The following MIPOL1 variants were observed in gnomAD, a reference collection of about 807,000 sequenced individuals.
MIPOL1 encodes the protein mirror-image polydactyly 1.
Under a neutral mutation model 60.9 loss-of-function variants are expected in MIPOL1, and 57 were observed. The observed-to-expected ratio is 0.94, with a 90% confidence interval of 0.76 to 1.17. The LOEUF (loss-of-function observed/expected upper bound fraction) is 1.17. MIPOL1 is among the 50% of genes most tolerant of loss of function. The pLI, the probability that MIPOL1 is intolerant of heterozygous loss-of-function variation, is 0.00. For synonymous variants in MIPOL1, 179 were observed against 168.8 expected (o/e 1.06, Z -0.47); for missense variants, 551 against 511.6 (o/e 1.08, Z -0.74).
intron 10 of MIPOL1, among the ~76,000 whole-genome samples, chr14:37,409,489 C>A (rs1337679665): frequency 6.6e-6 from 1 of 152,070 alleles, no homozygotes; most frequent in Non-Finnish European, 1.5e-5. Context: ...TTATACACAG[C>A]CAAAAAAATA....
intron 10 of MIPOL1, among the ~76,000 whole-genome samples, chr14:37,409,837 A>G (rs1296312770): frequency 6.6e-6 from 1 of 152,188 alleles, no homozygotes; most frequent in Non-Finnish European, 1.5e-5. Context: ...GTTGGAATAT[A>G]TCTAAAAAAT....
At chr14:37,414,430 A>G (rs2093729373) in intron 10 of MIPOL1, among the ~76,000 whole-genome samples, 1 of 152,130 alleles carries the variant, frequency 6.6e-6, no homozygotes, top group Admixed American at 6.5e-5. Context: ...GTCCCTGAAA[A>G]CTAGTGATGT....
chr14:37,500,019 A>G lies in MIPOL1; in HGVS notation c.1143A>G (p.Gln381=). 1 of 1,613,950 alleles carries G rather than the reference A, an allele frequency of 6.2e-7. No individual in the cohort carries two copies. The highest frequency in any genetic ancestry group is 8.5e-7 in the Non-Finnish European group (1 of 1,179,842). ...KNRENIVSIT[Q]QQNEELATQL... is the part of the protein sequence containing the mutation. ...GAGAGAACATTGTTTCCATCACTCAACAACAAAATGAGGAACTGGCTACTC... is the reference window on the plus strand; with the variant it reads ...GAGAGAACATTGTTTCCATCACTCAGCAACAAAATGAGGAACTGGCTACTC... The change falls in exon 12 of 13, where the codon CAA becomes CAG. Residue 381 remains glutamine, a synonymous_variant. Transcript: ENST00000684589.
intron 1 of MIPOL1, among the ~76,000 whole-genome samples, chr14:37,244,479 G>A (rs1972873380): frequency 6.6e-6 from 1 of 151,520 alleles, no homozygotes; most frequent in African/African-American, 2.4e-5. Context: ...GAGGAATGAG[G>A]CTAGGAATTT....
downstream of MIPOL1, chr14:37,552,119 A>G (rs896945015): frequency 1.3e-5 from 2 of 152,052 alleles, no homozygotes; most frequent in Non-Finnish European, 2.9e-5. Flanking sequence ...GTACATGACT[A>G]AAAGAGGAAT....
At chr14:37,381,757 T>TA (rs571419631) in intron 10 of MIPOL1, among the ~76,000 whole-genome samples, 2 of 151,654 alleles carry the variant, frequency 1.3e-5, no homozygotes, top group Admixed American at 6.6e-5. Context: ...TAATTTTTTT[T>TA]TTTTTTATTT....
chr14:37,266,906 A>AT (rs1394658898), intron 3 of MIPOL1, 32 bp from the exon 4 acceptor site: 2 of 1,403,144 alleles, frequency 1.4e-6, no homozygotes, highest in Non-Finnish European at 2.0e-6. Context: ...GGTGTTTAAT[A>AT]TATCATGTGT....
intron 9 of MIPOL1, among the ~76,000 whole-genome samples, chr14:37,351,178 G>T (rs373935475): frequency 0.019 from 2,718 of 145,326 alleles, 81 homozygotes; most frequent in African/African-American, 0.064. Context: ...TTGTTCTTGC[G>T]ATAGTTTACT....
At chr14:37,442,530 T>C (rs2153567366) in intron 11 of MIPOL1, among the ~76,000 whole-genome samples, 1 of 152,192 alleles carries the variant, frequency 6.6e-6, no homozygotes, top group South Asian at 2.1e-4. Flanking sequence ...CTTATTATCT[T>C]GAGTTATGTT....
intron 3 of MIPOL1, among the ~76,000 whole-genome samples, chr14:37,251,679 A>G (rs1974135362): frequency 6.6e-6 from 1 of 152,068 alleles, no homozygotes; most frequent in African/African-American, 2.4e-5. Context: ...CTATGTAAGA[A>G]AAAAGACATA....
chr14:37,303,981 A>T (rs1309126065), intron 7 of MIPOL1, among the ~76,000 whole-genome samples: 1 of 151,822 alleles, frequency 6.6e-6, no homozygotes, highest in Non-Finnish European at 1.5e-5. Flanking sequence ...TTATGTCAGC[A>T]TAGTATCAGA....
At chr14:37,474,433 G>A (rs541036704) in intron 11 of MIPOL1, among the ~76,000 whole-genome samples, 7 of 152,102 alleles carry the variant, frequency 4.6e-5, no homozygotes, top group African/African-American at 1.7e-4. Flanking sequence ...TTACCATGGT[G>A]TTCTCGTGAT....
chr14:37,277,796 A>C (rs1486509273), intron 6 of MIPOL1: 1 of 151,426 alleles, frequency 6.6e-6, no homozygotes, highest in Admixed American at 6.6e-5. Context: ...GTATATACAT[A>C]AAGATGTGTA....
At chr14:37,432,135 A>G (rs2153559657) in intron 11 of MIPOL1, among the ~76,000 whole-genome samples, 1 of 152,214 alleles carries the variant, frequency 6.6e-6, no homozygotes, top group Admixed American at 6.5e-5. Flanking sequence ...TCCCATTTTT[A>G]TTGAGGCTTC....
chr14:37,325,325 C>T (rs1209780456), intron 9 of MIPOL1, among the ~76,000 whole-genome samples: 1 of 152,014 alleles, frequency 6.6e-6, no homozygotes, highest in Non-Finnish European at 1.5e-5. Flanking sequence ...TCAAATAAAA[C>T]AATTTCCTTC....
intron 7 of MIPOL1, 56 bp downstream of exon 7, chr14:37,285,503 T>C: frequency 6.5e-7 from 1 of 1,549,924 alleles, no homozygotes. Context: ...AAAGGCATGC[T>C]TTAGGTGGTA....
In MIPOL1 at chr14:37,547,134, A is replaced by G; in HGVS notation, c.*163A>G. 1 of 599,322 alleles carries G rather than the reference A, an allele frequency of 1.7e-6. No homozygotes were observed. The highest frequency in any genetic ancestry group is 2.3e-5 in the South Asian group (1 of 42,738). 37.1% of individuals were successfully genotyped at this position (599,322 alleles called of 1,614,324 possible). On this transcript the variant is annotated 3_prime_UTR_variant, in exon 13 of 13. Coordinates refer to ENST00000684589, the MANE Select transcript of MIPOL1 (RefSeq NM_001388067.1). Reference sequence around the variant, plus strand: ...GATAAAATCAAATCACAAATGTTTAACCACTTTGCTGCTGACTTGAGTTAT... The same window carrying G: ...GATAAAATCAAATCACAAATGTTTAGCCACTTTGCTGCTGACTTGAGTTAT...
chr14:37,298,164 G>T (rs369471849), intron 7 of MIPOL1, among the ~76,000 whole-genome samples: 1 of 152,094 alleles, frequency 6.6e-6, no homozygotes, highest in East Asian at 1.9e-4. Context: ...ACAACTATCT[G>T]ATCTTTGACA....
intron 11 of MIPOL1, among the ~76,000 whole-genome samples, chr14:37,451,963 C>A (rs1434399337): frequency 6.6e-6 from 1 of 150,698 alleles, no homozygotes; most frequent in East Asian, 2.0e-4. Context: ...TACAGGCGCC[C>A]GCCATCACGC....
Sources: gnomAD v4.1 joint callset for allele counts (sites outside exome capture counted in the v4.1 genomes callset) on GRCh38, gnomAD v4.1.1 for gene constraint, MANE v1.5 for transcripts, NCBI Gene and HGNC (gene_info 2026-07-23, HGNC 2026-07-21) for gene names.